ZDHHC7: variants seen among roughly 807,000 people sequenced by gnomAD.
ZDHHC7 encodes zDHHC palmitoyltransferase 7.
Under a neutral mutation model 34.1 loss-of-function variants are expected in ZDHHC7, and 12 were observed. That is an observed-to-expected ratio of 0.35 (90% CI 0.23 to 0.57). ZDHHC7 has a LOEUF of 0.57. Ranked by LOEUF, ZDHHC7 falls within the 20% of genes least tolerant of loss-of-function variation. The pLI is 0.84. For synonymous variants in ZDHHC7, 185 were observed against 155.4 expected, an observed-to-expected ratio of 1.19 and a Z score of -1.42; for missense variants, 388 against 402.7, an observed-to-expected ratio of 0.96 and a Z score of 0.31.
intron 2 of ZDHHC7, among the ~76,000 whole-genome samples, chr16:84,993,091 G>A (rs2072531337): frequency 2.0e-5 from 3 of 152,194 alleles, no homozygotes; most frequent in African/African-American, 7.2e-5. Flanking sequence ...GGGAGACTGA[G>A]GCAGAAGGAT....
intron 2 of ZDHHC7, among the ~76,000 whole-genome samples, chr16:84,992,048 C>T (rs1373632105): frequency 5.9e-5 from 9 of 151,704 alleles, no homozygotes; most frequent in Admixed American, 2.0e-4. Flanking sequence ...TGGTGGCGTG[C>T]GCCTGTAATC....
At chr16:84,980,274 CCTT>C (rs1193173914) in intron 4 of ZDHHC7, among the ~76,000 whole-genome samples, 5 of 150,476 alleles carry the variant, frequency 3.3e-5, no homozygotes, top group Admixed American at 6.6e-5. Context: ...CATAGCGTCA[CCTT>C]CTTCTTATTC....
At chr16:84,997,726 C>T (rs1247617927) in intron 1 of ZDHHC7, among the ~76,000 whole-genome samples, 4 of 148,820 alleles carry the variant, frequency 2.7e-5, no homozygotes, top group Non-Finnish European at 6.0e-5. Context: ...AACCCCGTCT[C>T]TACTAAAAAT....
At chr16:84,997,233 C>T (rs536836140) in intron 1 of ZDHHC7, among the ~76,000 whole-genome samples, 89 of 148,868 alleles carry the variant, frequency 6.0e-4, no homozygotes, top group African/African-American at 2.1e-3. Context: ...TATTCTACAA[C>T]GAAAATACAA....
chr16:84,990,018 T>C (rs149413084), intron 3 of ZDHHC7, among the ~76,000 whole-genome samples: 230 of 152,154 alleles, frequency 1.5e-3, no homozygotes, highest in Non-Finnish European at 2.9e-3. Context: ...CCCTCCCTGA[T>C]TGAAGGATGT....
chr16:84,980,293 C>A (rs1331701859), intron 4 of ZDHHC7, among the ~76,000 whole-genome samples: 2 of 151,764 alleles, frequency 1.3e-5, no homozygotes, highest in Non-Finnish European at 2.9e-5. Context: ...TATTCATTGA[C>A]CTTGGCTCCC....
upstream of ZDHHC7, among the ~76,000 whole-genome samples, chr16:85,013,023 T>G (rs551471040): frequency 3.3e-5 from 5 of 152,214 alleles, no homozygotes; most frequent in Admixed American, 6.5e-5. Flanking sequence ...AAGTTCTCTT[T>G]ATCCTCCCTT....
At chr16:84,995,857 A>G (rs3751747) in intron 2 of ZDHHC7, 65 bp downstream of exon 2, 23,201 of 152,174 alleles carry the variant, frequency 0.15, 2,272 homozygotes, top group East Asian at 0.33. Flanking sequence ...TTTTAGTAAT[A>G]TACAAGCTAG....
intron 5 of ZDHHC7, among the ~76,000 whole-genome samples, chr16:84,978,882 A>G (rs1185633004): frequency 1.3e-5 from 2 of 150,824 alleles, no homozygotes; most frequent in Admixed American, 6.6e-5. Context: ...AAAAAGAAAA[A>G]AAGAAAAGAA....
At chr16:84,981,780 C>A in intron 4 of ZDHHC7, 90 bp downstream of exon 4, 1 of 1,602,052 alleles carries the variant, frequency 6.2e-7, no homozygotes, top group East Asian at 2.2e-5. Flanking sequence ...GGCCATGTAC[C>A]TACGGTGGTG....
At chr16:85,010,332 G>C (rs965389524) in intron 1 of ZDHHC7, among the ~76,000 whole-genome samples, 6 of 152,092 alleles carry the variant, frequency 3.9e-5, no homozygotes, top group African/African-American at 1.4e-4. Flanking sequence ...TGCGTACCAG[G>C]CCACAAAGTG....
At chr16:85,000,926 G>A (rs2072644325) in intron 1 of ZDHHC7, among the ~76,000 whole-genome samples, 1 of 152,218 alleles carries the variant, frequency 6.6e-6, no homozygotes, top group South Asian at 2.1e-4. Context: ...GGAAGAACCA[G>A]AGAAAGTGTC....
At chr16:85,017,605 C>G in the ZDHHC7 span, among the ~76,000 whole-genome samples, 1 of 152,296 alleles carries the variant, frequency 6.6e-6, no homozygotes, top group South Asian at 2.1e-4. Context: ...CAATGAAATA[C>G]TGTGCCACAA....
chr16:85,021,871 G>A, the ZDHHC7 span, among the ~76,000 whole-genome samples: 1 of 151,586 alleles, frequency 6.6e-6, no homozygotes, highest in African/African-American at 2.4e-5. Flanking sequence ...AAAGGGCAAA[G>A]ACAGGCCGGG....
intron 7 of ZDHHC7, among the ~76,000 whole-genome samples, chr16:84,976,848 T>G (rs1343681597): frequency 1.3e-5 from 2 of 152,192 alleles, no homozygotes; most frequent in Non-Finnish European, 2.9e-5. Context: ...TTCCCTGAAA[T>G]TTACTGACTG....
rs779750011 is a variant in ZDHHC7, at chr16:84,975,747, GCACA to G, written c.*592_*595del. The G allele has an allele frequency of 3.8e-4, 59 of 154,346 alleles. 1 individual carries two copies. The Middle Eastern group carries it at 0.023, about 61-fold the overall frequency. 9.6% of individuals were successfully genotyped at this position (154,346 alleles called of 1,614,324 possible). ...CACACGCGCGCACACGCACAGACAC[GCACA>G]CACACAGACTTGCTGAGAGGGTCAA... On this transcript the variant is annotated 3_prime_UTR_variant, in exon 8 of 8. Transcript: ENST00000313732.
chr16:84,995,301 A>G (rs904782351), intron 2 of ZDHHC7, among the ~76,000 whole-genome samples: 15 of 152,212 alleles, frequency 9.9e-5, no homozygotes, highest in African/African-American at 3.6e-4. Flanking sequence ...ACAAATCTCC[A>G]TATTTAAAGG....
intron 5 of ZDHHC7, among the ~76,000 whole-genome samples, chr16:84,978,563 G>A (rs956872666): frequency 2.0e-5 from 3 of 148,426 alleles, no homozygotes; most frequent in East Asian, 2.1e-4. Context: ...GCAAAACCCC[G>A]TCTATAAAAA....
At chr16:85,024,230 G>GTTTTTTTTT in the ZDHHC7 span, among the ~76,000 whole-genome samples, 3 of 108,726 alleles carry the variant, frequency 2.8e-5, no homozygotes, top group East Asian at 2.8e-4. Context: ...AGAGTTTTTT[G>GTTTTTTTTT]TTTTTTTTTT....
Sources: allele counts gnomAD v4.1 joint callset (sites outside exome capture counted in the v4.1 genomes callset), GRCh38; gene constraint gnomAD v4.1.1; transcripts MANE v1.5; gene names NCBI Gene and HGNC (gene_info 2026-07-23, HGNC 2026-07-21).